Variants in CYB5D2 observed in about 807,000 individuals in gnomAD.
The protein encoded by CYB5D2 is neuferricin.
A neutral mutation model predicts 22.8 loss-of-function variants in CYB5D2; 23 were observed. The ratio of observed to expected loss-of-function variants is 1.01; its 90% CI spans 0.73 to 1.43. The LOEUF is 1.43. Among genes scored for constraint, CYB5D2 ranks in the 40% most tolerant of loss-of-function variants. The probability of loss-of-function intolerance (pLI) is 0.00; values close to 1 mark genes in which losing one functional copy is unlikely to be tolerated. For missense variants in CYB5D2, 373 were observed against 357.2 expected (o/e 1.04, Z -0.36); for synonymous variants, 170 against 152.2 (o/e 1.12, Z -0.86).
intron 2 of CYB5D2, among the ~76,000 whole-genome samples, 180 bp from the exon 3 acceptor site, chr17:4,154,494 G>A (rs2059091042): frequency 1.3e-5 from 2 of 152,180 alleles, no homozygotes; most frequent in Admixed American, 1.3e-4. Context: ...AGCTGTGTGG[G>A]GGCTTGTAGG....
intron 1 of CYB5D2, among the ~76,000 whole-genome samples, chr17:4,147,556 T>A (rs920308185): frequency 9.9e-5 from 15 of 152,102 alleles, no homozygotes; most frequent in African/African-American, 3.4e-4. Context: ...AAGTGAACAA[T>A]AAAGAACGTG....
intron 1 of CYB5D2, 67 bp downstream of exon 1, chr17:4,144,072 C>T: frequency 6.6e-7 from 1 of 1,518,974 alleles, no homozygotes; most frequent in Middle Eastern, 2.5e-4. Context: ...GCGCGTCGTT[C>T]GTTGGTTCAT....
At chr17:4,155,921 A>G (rs766205773) in intron 3 of CYB5D2, among the ~76,000 whole-genome samples, 11 of 152,232 alleles carry the variant, frequency 7.2e-5, no homozygotes, top group Non-Finnish European at 1.6e-4. Flanking sequence ...CCTGTGCCTC[A>G]GCTCAGTTTG....
At chr17:4,150,106 T>TTTTTA (rs2059039266) in intron 2 of CYB5D2, 75 bp downstream of exon 2, 86 of 1,553,272 alleles carry the variant, frequency 5.5e-5, no homozygotes, top group Non-Finnish European at 6.9e-5. Context: ...TTTTAGGGAT[T>TTTTTA]GGGTTCAAGC....
chr17:4,147,769 C>T (rs775413774), intron 1 of CYB5D2, among the ~76,000 whole-genome samples: 3 of 152,220 alleles, frequency 2.0e-5, no homozygotes, highest in Non-Finnish European at 4.4e-5. Flanking sequence ...AGGAGAATTG[C>T]TTGAACCTGG....
intron 1 of CYB5D2, among the ~76,000 whole-genome samples, chr17:4,148,510 C>G (rs896052805): frequency 1.1e-4 from 8 of 75,570 alleles, no homozygotes; most frequent in Admixed American, 5.1e-4. Context: ...GAGCGAGACT[C>G]AGTCTCAAAA....
chr17:4,147,362 A>C (rs185172937), intron 1 of CYB5D2, among the ~76,000 whole-genome samples: 415 of 152,386 alleles, frequency 2.7e-3, no homozygotes, highest in Non-Finnish European at 5.1e-3. Flanking sequence ...GGGAATCCAT[A>C]GTAAATGAGT....
At chr17:4,155,336 C>T (rs2142995237) in intron 3 of CYB5D2, among the ~76,000 whole-genome samples, 1 of 152,190 alleles carries the variant, frequency 6.6e-6, no homozygotes, top group East Asian at 1.9e-4. Flanking sequence ...GTGAGGCGGG[C>T]ATGGTGGCTT....
chr17:4,144,277 C>T (rs1433447023), intron 1 of CYB5D2, among the ~76,000 whole-genome samples: 4 of 152,088 alleles, frequency 2.6e-5, no homozygotes, highest in Non-Finnish European at 5.9e-5. Context: ...CATTACCCAG[C>T]GTCGGAAGCC....
chr17:4,143,823 C>T lies in CYB5D2; in HGVS notation c.68C>T (p.Ala23Val), dbSNP rs2058932381. 6.2e-7 allele frequency: 1 copy of T among 1,614,144 alleles called. No homozygotes were observed. ...LAVAAAAVMA[A>V]RLMGWWGPRA... is the part of the protein sequence containing the mutation. ...GTAGCCGCAGCAGCGGTAATGGCAG[C>T]ACGGCTTATGGGCTGGTGGGGTCCC... Residue 23 changes from alanine to valine, a missense_variant, in exon 1 of 4, where the codon GCA becomes GTA. Transcript: ENST00000301391.
intron 1 of CYB5D2, among the ~76,000 whole-genome samples, chr17:4,148,988 T>C (rs901692651): frequency 2.0e-5 from 3 of 151,574 alleles, no homozygotes; most frequent in Admixed American, 6.6e-5. Context: ...GGTCTCACCC[T>C]GTCACGCAGG....
At chr17:4,144,056 C>G (rs1448146502) in intron 1 of CYB5D2, 51 bp downstream of exon 1, 2 of 1,531,582 alleles carry the variant, frequency 1.3e-6, no homozygotes, top group Admixed American at 2.1e-5. Flanking sequence ...GAGCCAGTAG[C>G]CACCTGCGCG....
Position 4,143,739 on chromosome 17 carries a change from CG to C in CYB5D2, c.-14del, listed in dbSNP as rs1466409354. On this transcript the variant is annotated 5_prime_UTR_variant, in exon 1 of 4. Coordinates refer to ENST00000301391, the MANE Select transcript of CYB5D2 (RefSeq NM_144611.4). ...AGGCGGCAACCTCGGAAGTGCGGAG[CG>C]GGTGGGCCTATATAGATGTTGAGGT... 2 of 1,592,450 alleles carry C rather than the reference CG, an allele frequency of 1.3e-6. No individual in the cohort carries two copies.
intron 3 of CYB5D2, 50 bp from the exon 4 acceptor site, chr17:4,156,816 A>C (rs769119986): frequency 1.9e-6 from 3 of 1,591,598 alleles, no homozygotes; most frequent in Non-Finnish European, 2.6e-6. Flanking sequence ...CCCTTCCCAG[A>C]GACTCATGAG....
intron 1 of CYB5D2, among the ~76,000 whole-genome samples, chr17:4,149,292 C>T (rs1388230829): frequency 1.3e-5 from 2 of 152,128 alleles, no homozygotes; most frequent in African/African-American, 2.4e-5. Context: ...TAATTGACCC[C>T]TAAGGCTGGT....
intron 1 of CYB5D2, among the ~76,000 whole-genome samples, 164 bp downstream of exon 1, chr17:4,144,169 G>A (rs904060062): frequency 6.6e-6 from 1 of 151,978 alleles, no homozygotes; most frequent in African/African-American, 2.4e-5. Context: ...TATCCTTCTA[G>A]GCTCTCTGGC....
intron 1 of CYB5D2, among the ~76,000 whole-genome samples, chr17:4,149,235 GA>G (rs2059026803): frequency 6.6e-6 from 1 of 152,192 alleles, no homozygotes; most frequent in African/African-American, 2.4e-5. Context: ...GGTGGGCTTT[GA>G]AACCACAGGT....
At chr17:4,144,210 C>T (rs12453863) in intron 1 of CYB5D2, among the ~76,000 whole-genome samples, 145,570 of 152,172 alleles carry the variant, frequency 0.96, 69,991 homozygotes, top group East Asian at 1. Context: ...GCTCTGTCAT[C>T]CACCACCGCC....
chr17:4,144,921 G>A (rs2058967943), intron 1 of CYB5D2, among the ~76,000 whole-genome samples: 1 of 151,976 alleles, frequency 6.6e-6, no homozygotes, highest in African/African-American at 2.4e-5. Flanking sequence ...CGAATAGCTG[G>A]GACTACAGGC....
Sources: allele counts gnomAD v4.1 joint callset (sites outside exome capture counted in the v4.1 genomes callset), GRCh38; gene constraint gnomAD v4.1.1; transcripts MANE v1.5; gene names NCBI Gene and HGNC (gene_info 2026-07-23, HGNC 2026-07-21).